The following LIMK2 variants were observed in gnomAD, a reference collection of about 807,000 sequenced individuals.
LIMK2 encodes the protein LIM domain kinase 2.
A neutral mutation model predicts 75.7 loss-of-function variants in LIMK2; 35 were observed. The observed-to-expected ratio is 0.46, with a 90% CI of 0.35 to 0.61. The LOEUF (loss-of-function observed/expected upper bound fraction) is 0.61. Among genes scored for constraint, LIMK2 ranks in the 20% least tolerant of loss-of-function variants. The probability of loss-of-function intolerance (pLI) is 0.00; values close to 1 mark genes in which losing one functional copy is unlikely to be tolerated. For synonymous variants in LIMK2, 301 were observed against 319.2 expected, an observed-to-expected ratio of 0.94 and a Z score of 0.61; for missense variants, 623 against 831.0, an observed-to-expected ratio of 0.75 and a Z score of 3.08.
intron 11 of LIMK2, among the ~76,000 whole-genome samples, chr22:31,269,979 G>A (rs1360006651): frequency 6.6e-6 from 1 of 150,850 alleles, no homozygotes; most frequent in African/African-American, 2.5e-5. Flanking sequence ...AGGAGGAGGA[G>A]GAGGAGTTAC....
chr22:31,248,663 AGGCAGTCACAGAC>A, intron 2 of LIMK2: 1 of 1,613,882 alleles, frequency 6.2e-7, no homozygotes, highest in Non-Finnish European at 8.5e-7. Context: ...AGCCGGCCTG[AGGCAGTCACAGAC>A]GGATTTGCAG....
At chr22:31,244,570 A>G (rs2048650078) in intron 2 of LIMK2, among the ~76,000 whole-genome samples, 1 of 151,970 alleles carries the variant, frequency 6.6e-6, no homozygotes, top group South Asian at 2.1e-4. Flanking sequence ...CCTGCTCAAG[A>G]GTTTAAACTC....
intron 1 of LIMK2, among the ~76,000 whole-genome samples, chr22:31,213,469 G>A (rs1232495299): frequency 1.3e-5 from 2 of 152,222 alleles, no homozygotes; most frequent in Non-Finnish European, 2.9e-5. Context: ...CTGGCTTTCC[G>A]TCTGTGGACA....
chr22:31,257,002 C>A (rs1280829576), intron 2 of LIMK2, among the ~76,000 whole-genome samples: 3 of 143,390 alleles, frequency 2.1e-5, no homozygotes, highest in Non-Finnish European at 4.5e-5. Flanking sequence ...AGAGGTGGAG[C>A]TTCATAGCCA....
chr22:31,275,451 GACA>G, intron 15 of LIMK2, 143 bp downstream of exon 15: 4 of 733,162 alleles, frequency 5.5e-6, no homozygotes, highest in Non-Finnish European at 8.9e-6. Context: ...TGAGCCATCT[GACA>G]ACACATATGT....
At chr22:31,269,907 C>T (rs1055379541) in intron 11 of LIMK2, among the ~76,000 whole-genome samples, 4 of 150,942 alleles carry the variant, frequency 2.7e-5, no homozygotes, top group African/African-American at 9.9e-5. Flanking sequence ...GCTGTGGGGA[C>T]AGGAGCCTGG....
chr22:31,269,034 TTTTGTTTG>T (rs146064485), intron 11 of LIMK2, among the ~76,000 whole-genome samples: 7 of 150,824 alleles, frequency 4.6e-5, no homozygotes, highest in African/African-American at 4.9e-5. Context: ...TTTTTGGTTT[TTTTGTTTG>T]TTTGTTTGTT....
At chr22:31,217,398 G>GAA (rs371346839) in intron 1 of LIMK2, among the ~76,000 whole-genome samples, 1 of 134,666 alleles carries the variant, frequency 7.4e-6, no homozygotes, top group Non-Finnish European at 1.6e-5. Context: ...CTCCGTCTCA[G>GAA]AAAAAAAAAA....
At chr22:31,258,583 CCTA>C (rs1333351171) in intron 3 of LIMK2, 157 bp downstream of exon 3, 1 of 713,436 alleles carries the variant, frequency 1.4e-6, no homozygotes, top group Non-Finnish European at 2.3e-6. Flanking sequence ...CAATTGAGCA[CCTA>C]CTAAGTGAAA....
At chr22:31,267,696 A>G in intron 9 of LIMK2, 80 bp from the exon 10 acceptor site, 3 of 1,484,012 alleles carry the variant, frequency 2.0e-6, no homozygotes, top group Non-Finnish European at 2.7e-6. Context: ...ACACTTGTCA[A>G]GCTGATTCCT....
chr22:31,264,119 C>T (rs2048867993), intron 7 of LIMK2, among the ~76,000 whole-genome samples: 1 of 152,200 alleles, frequency 6.6e-6, no homozygotes, highest in African/African-American at 2.4e-5. Context: ...CTCCCATTGC[C>T]TCTTGGCCTT....
intron 2 of LIMK2, among the ~76,000 whole-genome samples, chr22:31,227,110 A>G (rs561958264): frequency 1.8e-4 from 28 of 152,340 alleles, no homozygotes; most frequent in Admixed American, 1.4e-3. Flanking sequence ...CCTTCCTCCC[A>G]TCGGATTGGA....
chr22:31,240,896 G>A (rs550857468), intron 2 of LIMK2, among the ~76,000 whole-genome samples: 30 of 152,252 alleles, frequency 2.0e-4, no homozygotes, highest in Non-Finnish European at 3.7e-4. Flanking sequence ...ATTAAGCTAC[G>A]TTCAGGATAA....
chr22:31,268,068 C>A, intron 10 of LIMK2, 76 bp from the exon 11 acceptor site: 1 of 1,531,256 alleles, frequency 6.5e-7, no homozygotes, highest in South Asian at 1.1e-5. Flanking sequence ...ACTGGGAGAC[C>A]ACATTGACCC....
At chr22:31,232,253 G>A (rs894084687) in intron 2 of LIMK2, among the ~76,000 whole-genome samples, 118 of 130,270 alleles carry the variant, frequency 9.1e-4, no homozygotes, top group South Asian at 1.2e-3. Context: ...ACTCCCAGGA[G>A]AAAAAAAAAA....
intron 2 of LIMK2, chr22:31,248,772 G>A (rs2048695947): frequency 6.2e-7 from 1 of 1,614,178 alleles, no homozygotes; most frequent in Non-Finnish European, 8.5e-7. Flanking sequence ...CTGTTTCGGT[G>A]AGTTGGTCTC....
At chr22:31,241,721 T>C (rs563996288) in intron 2 of LIMK2, among the ~76,000 whole-genome samples, 3 of 152,110 alleles carry the variant, frequency 2.0e-5, no homozygotes, top group Non-Finnish European at 4.4e-5. Context: ...AGATGCCTAG[T>C]AAAGAAACCT....
intron 2 of LIMK2, among the ~76,000 whole-genome samples, chr22:31,229,826 G>T (rs943320967): frequency 2.6e-5 from 4 of 152,010 alleles, no homozygotes; most frequent in African/African-American, 9.7e-5. Context: ...AGACCCTCAG[G>T]TGCCCAGGAC....
Position 31,280,003 on chromosome 22 carries a change from C to T in LIMK2, c.*1562C>T, listed in dbSNP as rs1206640011. ...TGGCTGGTTGTTTCCTGGCTGTCCC[C>T]AGCAAGTGTAGGAGTGGTGGGCCTG... On this transcript the variant is annotated 3_prime_UTR_variant, in exon 16 of 16. Coordinates refer to ENST00000331728, the MANE Select transcript of LIMK2 (RefSeq NM_005569.4). 1.3e-5 allele frequency: 2 copies of T among 152,334 alleles called. No homozygotes were observed. The highest frequency in any genetic ancestry group is 2.9e-5 in the Non-Finnish European group (2 of 68,082). 9.4% of individuals were successfully genotyped at this position (152,334 alleles called of 1,614,324 possible).
Sources: gnomAD v4.1 joint callset for allele counts (sites outside exome capture counted in the v4.1 genomes callset) on GRCh38, gnomAD v4.1.1 for gene constraint, MANE v1.5 for transcripts, NCBI Gene and HGNC (gene_info 2026-07-23, HGNC 2026-07-21) for gene names.